PCDHGC4: variants seen among roughly 807,000 people sequenced by gnomAD.
The protein encoded by PCDHGC4 is protocadherin gamma subfamily C, 4.
A neutral mutation model predicts 59.7 loss-of-function variants in PCDHGC4; 15 were observed. That is an observed-to-expected ratio of 0.25 (90% CI 0.17 to 0.39). PCDHGC4 has a LOEUF of 0.39. Among genes scored for constraint, PCDHGC4 ranks in the 10% least tolerant of loss-of-function variants. PCDHGC4 has a pLI of 1.00. For missense variants in PCDHGC4, 1,016 were observed against 1,189.5 expected, an observed-to-expected ratio of 0.85 and a Z score of 2.15; for synonymous variants, 434 against 481.4, an observed-to-expected ratio of 0.90 and a Z score of 1.29.
chr5:141,490,896 G>C lies in PCDHGC4; in HGVS notation c.2442+3281G>C. The stretch of plus-strand genomic sequence containing the variant: ...TGCATGCCAACACATCTCTGCATGT[G>C]TTTGTCCTAGACGAGAATGATAATG... On this transcript the variant is annotated intron_variant, in intron 1 of 3. Coordinates refer to ENST00000306593, the MANE Select transcript of PCDHGC4 (RefSeq NM_018928.3). This position sits in a 1 kb window ranked among gnomAD's most constrained non-coding sequence, Gnocchi z 5.4. 2.5e-6 allele frequency: 4 copies of C among 1,613,938 alleles called. No homozygotes were observed. The highest frequency in any genetic ancestry group is 3.4e-6 in the Non-Finnish European group (4 of 1,179,922).
In PCDHGC4 at chr5:141,511,318, A is replaced by C; in HGVS notation, c.*145A>C. 2 of 1,476,400 alleles carry C rather than the reference A, an allele frequency of 1.4e-6. No homozygotes were observed. Among genetic ancestry groups the C allele is most frequent in the South Asian group, 2.7e-5 (2 of 72,796 alleles). 91.5% of individuals were successfully genotyped at this position (1,476,400 alleles called of 1,614,324 possible). On this transcript the variant is annotated 3_prime_UTR_variant, in exon 4 of 4. Transcript: ENST00000306593. The stretch of plus-strand genomic sequence containing the variant: ...GCCATGCTCCCCTTGGGAAACAGAA[A>C]CAAGTGCCCAGTCAGCACCTACCCC...
At chr5:141,492,265 G>C (rs1363279754) in intron 1 of PCDHGC4, among the ~76,000 whole-genome samples, 1 of 152,180 alleles carries the variant, frequency 6.6e-6, no homozygotes, top group Non-Finnish European at 1.5e-5. Flanking sequence ...CAAGTTGCAC[G>C]GGCTCGCCAC....
intron 2 of PCDHGC4, among the ~76,000 whole-genome samples, chr5:141,496,991 G>T (rs1164558685): frequency 6.6e-6 from 1 of 151,902 alleles, no homozygotes; most frequent in African/African-American, 2.4e-5. Context: ...TTTGAGACCA[G>T]CCTGGCAGCC....
chr5:141,492,548 C>T (rs1028674110), intron 1 of PCDHGC4, among the ~76,000 whole-genome samples: 5 of 152,218 alleles, frequency 3.3e-5, no homozygotes, highest in African/African-American at 9.6e-5. Flanking sequence ...TGGGCCGGGT[C>T]GCCTGGGGGG....
intron 3 of PCDHGC4, 89 bp downstream of exon 3, chr5:141,505,570 C>G: frequency 6.3e-7 from 1 of 1,598,162 alleles, no homozygotes; most frequent in Admixed American, 1.7e-5. Context: ...GACTGGATGT[C>G]AAACCTGTGT....
At chr5:141,501,901 C>T (rs1595767273) in intron 2 of PCDHGC4, among the ~76,000 whole-genome samples, 1 of 152,070 alleles carries the variant, frequency 6.6e-6, no homozygotes, top group Non-Finnish European at 1.5e-5. Context: ...TGGTTCCAAC[C>T]CCACTGTTCC....
At position 141,487,621 on chromosome 5, in the gene PCDHGC4, A is replaced by G; in HGVS notation, c.2442+6A>G. The G allele has an allele frequency of 6.2e-7, 1 of 1,614,164 alleles. No individual in the cohort carries two copies. On this transcript the variant is annotated splice_donor_region_variant and intron_variant, in intron 1 of 3. Transcript: ENST00000306593. This position sits in a 1 kb window ranked among gnomAD's most constrained non-coding sequence, Gnocchi z 5.0. ...ATCTTCTCTATGGGCTAGAGGTGAG[A>G]CCTTTGCAGGCTCAACAAATGCTTG... is the stretch of plus-strand genomic sequence containing the variant.
chr5:141,489,288 G>A lies in PCDHGC4; in HGVS notation c.2442+1673G>A. 6.3e-7 allele frequency: 1 copy of A among 1,575,870 alleles called. No homozygotes were observed. Among genetic ancestry groups the A allele is most frequent in the Non-Finnish European group, 8.6e-7 (1 of 1,161,152 alleles). On this transcript the variant is annotated intron_variant, in intron 1 of 3. Coordinates refer to ENST00000306593, the MANE Select transcript of PCDHGC4 (RefSeq NM_018928.3). The surrounding 1 kb of genome is among the most constrained non-coding windows in gnomAD (Gnocchi z 4.5). ...AGCTCGCTGGGAAATGGCAAGTGCT[G>A]TGCATGTTGTCCTTGTGCTGCTGGG...
chr5:141,509,719 C>G (rs2099877973), intron 3 of PCDHGC4, among the ~76,000 whole-genome samples: 1 of 152,152 alleles, frequency 6.6e-6, no homozygotes, highest in Non-Finnish European at 1.5e-5. Flanking sequence ...TGTCTGATGT[C>G]ACCTAGCTGT....
chr5:141,510,251 C>T (rs569804850), intron 3 of PCDHGC4, among the ~76,000 whole-genome samples: 5 of 144,790 alleles, frequency 3.5e-5, no homozygotes, highest in South Asian at 4.3e-4. Flanking sequence ...CCAGGCTGGG[C>T]GACAGAGCAG....
rs1385408442 is a variant in PCDHGC4 at position 141,487,321 on chromosome 5, T to A, written c.2148T>A (p.Leu716=). 1 of 1,614,198 alleles carries A rather than the reference T, an allele frequency of 6.2e-7. No homozygotes were observed. The highest frequency in any genetic ancestry group is 1.7e-5 in the Admixed American group (1 of 60,032). ...TCGTGGCACTACTCTCTAAGTGTCT[T>A]CGTGGGGCAGCCTGTGGAGTCACAT... is the stretch of plus-strand genomic sequence containing the variant. ...GSFVALLSKC[L]RGAACGVTCF... The change falls in exon 1 of 4, where the codon CTT becomes CTA. Residue 716 remains leucine, a synonymous_variant. Transcript: ENST00000306593. This position sits in a 1 kb window ranked among gnomAD's most constrained non-coding sequence, Gnocchi z 5.0.
chr5:141,503,528 G>A (rs1411240550), intron 2 of PCDHGC4, among the ~76,000 whole-genome samples: 2 of 151,470 alleles, frequency 1.3e-5, no homozygotes, highest in Non-Finnish European at 2.9e-5. Flanking sequence ...GAACCTGGGA[G>A]GCAGAGGTTG....
rs1245526846 is a variant in PCDHGC4, at chr5:141,512,505, C to T, written c.*1332C>T. ...GCCACTGCCCAGGTCCCCAGTGCGCCCCCTAGTGGCCATAGCCTGGTTAAA... is the reference window on the plus strand; with the variant it reads ...GCCACTGCCCAGGTCCCCAGTGCGCTCCCTAGTGGCCATAGCCTGGTTAAA... On this transcript the variant is annotated 3_prime_UTR_variant, in exon 4 of 4. Transcript: ENST00000306593. The T allele has an allele frequency of 1.3e-5, 2 of 152,888 alleles. No individual in the cohort carries two copies. The highest frequency in any genetic ancestry group is 4.8e-5 in the African/African-American group (2 of 41,466). 9.5% of individuals were successfully genotyped at this position (152,888 alleles called of 1,614,324 possible). A position where few individuals can be genotyped will look rare whatever the true frequency, so the allele number is the denominator to read the frequency against.
In PCDHGC4 at chr5:141,489,720, G is replaced by A. The variant is rs560729125; in HGVS notation, c.2442+2105G>A. ...TCCCACTGGACAGTGCCCAGGATCC[G>A]GATGTGGGCACCAATACTGTGAGCT... On this transcript the variant is annotated intron_variant, in intron 1 of 3. Transcript: ENST00000306593. The surrounding 1 kb of genome is among the most constrained non-coding windows in gnomAD (Gnocchi z 4.5). The A allele has an allele frequency of 3.2e-5, 51 of 1,614,200 alleles. No individual in the cohort carries two copies. The highest frequency in any genetic ancestry group is 9.3e-5 in the African/African-American group (7 of 75,048).
intron 2 of PCDHGC4, among the ~76,000 whole-genome samples, chr5:141,495,678 C>T (rs1340336428): frequency 6.6e-6 from 1 of 152,180 alleles, no homozygotes; most frequent in African/African-American, 2.4e-5. Context: ...CTGTGCCTGC[C>T]ATGGCATAAG....
chr5:141,494,790 C>A lies in PCDHGC4; in HGVS notation c.2443-17C>A, dbSNP rs909145. 17 of 1,614,014 alleles carry A rather than the reference C, an allele frequency of 1.1e-5. 1 individual carries two copies. The South Asian group carries it at 1.9e-4, about 18-fold the overall frequency. ...TCTCACGGGTACTCAGCCCCTTTCC[C>A]TCTGTTTTCTCCACAGCAAGCCCCG... On this transcript the variant is annotated splice_polypyrimidine_tract_variant and intron_variant, in intron 1 of 3. Transcript: ENST00000306593.
At chr5:141,492,242 C>G (rs2099738685) in intron 1 of PCDHGC4, among the ~76,000 whole-genome samples, 1 of 152,190 alleles carries the variant, frequency 6.6e-6, no homozygotes, top group Admixed American at 6.5e-5. Flanking sequence ...GCTGGCCACC[C>G]CCACGGCCCA....
rs369794418 is a variant in PCDHGC4, at chr5:141,497,143, G to A, written c.2501+2278G>A. Among the ~76,000 whole-genome samples the A allele has an allele frequency of 7.3e-5, 11 of 150,108 alleles. No individual in the cohort carries two copies. In the East Asian group the frequency reaches 1.6e-3, roughly 21 times the overall value. On this transcript the variant is annotated intron_variant, in intron 2 of 3. Coordinates refer to ENST00000306593, the MANE Select transcript of PCDHGC4 (RefSeq NM_018928.3). ...AGAGGTTGCAGTGAGCTGAGATCAC[G>A]AAAAAAAAATAATCTAGCCACAAAT...
intron 3 of PCDHGC4, among the ~76,000 whole-genome samples, chr5:141,509,504 C>T (rs534951697): frequency 4.7e-4 from 72 of 152,246 alleles, no homozygotes; most frequent in Non-Finnish European, 8.4e-4. Flanking sequence ...CTGGATGTGA[C>T]GGTGTTGATG....
Sources: gnomAD v4.1 joint callset for allele counts (sites outside exome capture counted in the v4.1 genomes callset) on GRCh38, gnomAD v4.1.1 for gene constraint, Gnocchi (gnomAD v3.1) non-coding constraint, MANE v1.5 for transcripts, NCBI Gene and HGNC (gene_info 2026-07-23, HGNC 2026-07-21) for gene names.